Variants in SREBF1 observed in about 807,000 individuals in gnomAD.
SREBF1 encodes the protein sterol regulatory element binding transcription factor 1, also known as sterol regulatory element-binding protein 1.
SREBF1 carries 45 observed loss-of-function variants against 100.1 expected under a neutral mutation model. That is an observed-to-expected ratio of 0.45 (90% CI 0.35 to 0.58). The LOEUF (loss-of-function observed/expected upper bound fraction) is 0.58, where lower values mean the gene tolerates loss of function less well. Ranked by LOEUF, SREBF1 falls within the 20% of genes least tolerant of loss-of-function variation. The probability of loss-of-function intolerance (pLI) is 0.00; values close to 1 mark genes in which losing one functional copy is unlikely to be tolerated. For synonymous variants in SREBF1, 657 were observed against 681.8 expected (o/e 0.96, Z 0.57); for missense variants, 1,324 against 1,539.4 (o/e 0.86, Z 2.34).
chr17:17,812,661 G>A lies in SREBF1; in HGVS notation c.3405C>T (p.Leu1135=). The A allele has an allele frequency of 1.2e-6, 2 of 1,608,774 alleles. No individual in the cohort carries two copies. The highest frequency in any genetic ancestry group is 1.7e-6 in the Non-Finnish European group (2 of 1,177,934). ...RRLLHDCQQM[L]MRLGGGTTVT... is the part of the protein sequence containing the mutation. ...CAGTGGTCCCACCGCCCAGGCGCAT[G>A]AGCATCTGCTGACAGTCGTGCAGCA... The change falls in exon 19 of 19, where the codon CTC becomes CTT. Residue 1135 remains leucine (L), a synonymous_variant. Transcript: ENST00000261646.
intron 6 of SREBF1, 93 bp from the exon 7 acceptor site, chr17:17,818,009 G>C: frequency 7.6e-7 from 1 of 1,321,556 alleles, no homozygotes; most frequent in South Asian, 1.2e-5. Flanking sequence ...GACTACTGTA[G>C]CTCCTAAAGC....
Position 17,813,429 on chromosome 17 carries a change from T to A in SREBF1, c.3153A>T (p.Thr1051=). Reference sequence around the variant, plus strand: ...TGCGGTCGAGGAGCTGGTGTGTCCGTGTGGGGCTGGCCCCCGCCATCAGCC... The same window carrying A: ...TGCGGTCGAGGAGCTGGTGTGTCCGAGTGGGGCTGGCCCCCGCCATCAGCC... ...TARLMAGASP[T]RTHQLLDRSL... The change falls in exon 18 of 19, where the codon ACA becomes ACT. Residue 1051 remains threonine, a synonymous_variant. Coordinates refer to ENST00000261646, the MANE Select transcript of SREBF1 (RefSeq NM_004176.5). 6.2e-7 allele frequency: 1 copy of A among 1,600,702 alleles called. No homozygotes were observed. The highest frequency in any genetic ancestry group is 8.5e-7 in the Non-Finnish European group (1 of 1,174,940).
In SREBF1 at chr17:17,816,325, G is replaced by A. The variant is rs771747343; in HGVS notation, c.2096C>T (p.Ala699Val). Residue 699 changes from alanine (A) to valine (V), a missense_variant, in exon 11 of 19, where the codon GCC (alanine) becomes GTC (valine). By Grantham distance (64) the Ala-to-Val change is moderately conservative. Coordinates refer to ENST00000261646, the MANE Select transcript of SREBF1 (RefSeq NM_004176.5). ...HLTATNLALS[A>V]LNLAECAGDA... ...CCCTGCACACTCTGCCAGGTTCAGG[G>A]CACTCAGCGCCAGGTTGGTGGCAGT... is the stretch of plus-strand genomic sequence containing the variant. 3.1e-6 allele frequency: 5 copies of A among 1,587,712 alleles called. No homozygotes were observed. The highest frequency in any genetic ancestry group is 4.3e-6 in the Non-Finnish European group (5 of 1,169,560).
At chr17:17,836,674 C>G in intron 1 of SREBF1, 53 bp downstream of exon 1, 1 of 1,512,686 alleles carries the variant, frequency 6.6e-7, no homozygotes. Flanking sequence ...CACCTGCGCG[C>G]CCCCTACTCG....
Position 17,813,614 on chromosome 17 carries a change from G to A in SREBF1, c.3057C>T (p.Ser1019=). 2 of 1,588,212 alleles carry A rather than the reference G, an allele frequency of 1.3e-6. No individual in the cohort carries two copies. Among genetic ancestry groups the A allele is most frequent in the East Asian group, 2.3e-5 (1 of 43,902 alleles). Residue 1019 remains serine (S), a synonymous_variant, in exon 17 of 19, where the codon AGC becomes AGT. Transcript: ENST00000261646. The part of the protein sequence containing the change: ...LELRGFQRDL[S]SLRRLAQSFR... ...AGCTCTGTGCCAGCCGCCTCAGGCTGCTCAGGTCCCGTTGGAAGCCACGCA... is the reference window on the plus strand; with the variant it reads ...AGCTCTGTGCCAGCCGCCTCAGGCTACTCAGGTCCCGTTGGAAGCCACGCA...
At chr17:17,823,641 A>G (rs764732043) in intron 1 of SREBF1, 8 of 1,553,556 alleles carry the variant, frequency 5.1e-6, no homozygotes, top group Non-Finnish European at 6.1e-6. Context: ...GAAGCCGTTG[A>G]GCGCTGCGGC....
rs117947006 is a variant in SREBF1, at chr17:17,831,540, G to A, written c.91+5187C>T. Among the ~76,000 whole-genome samples, 252 of 152,254 alleles carry A rather than the reference G, an allele frequency of 1.7e-3. 4 individuals carry two copies. In the East Asian group the frequency reaches 0.044, roughly 27 times the overall value. The stretch of plus-strand genomic sequence containing the variant: ...GGTCCAGGCATAGGAAAGAGACCCC[G>A]AGGCCCTGTTCCAGGCTCTTGGCCA... On this transcript the variant is annotated intron_variant, in intron 1 of 18. Coordinates refer to ENST00000261646, the MANE Select transcript of SREBF1 (RefSeq NM_004176.5).
chr17:17,820,447 C>T lies in SREBF1; in HGVS notation c.166G>A (p.Ala56Thr). ...LFDPPYAGSG[A>T]GGTDPASPDT... ...GGGCTGGCAGGGTCTGTGCCCCCTGCCCCACTCCCAGCATAGGGTGGGTCA... is the reference window on the plus strand; with the variant it reads ...GGGCTGGCAGGGTCTGTGCCCCCTGTCCCACTCCCAGCATAGGGTGGGTCA... The change falls in exon 2 of 19, where the codon GCA becomes ACA. Residue 56 changes from alanine (A) to threonine (T), a missense_variant. Ala to Thr is a moderately conservative substitution (Grantham distance 58). Coordinates refer to ENST00000261646, the MANE Select transcript of SREBF1 (RefSeq NM_004176.5). 2 of 1,613,992 alleles carry T rather than the reference C, an allele frequency of 1.2e-6. No homozygotes were observed. The highest frequency in any genetic ancestry group is 8.5e-7 in the Non-Finnish European group (1 of 1,179,966).
At chr17:17,836,117 A>G (rs2035210014) in intron 1 of SREBF1, among the ~76,000 whole-genome samples, 1 of 152,226 alleles carries the variant, frequency 6.6e-6, no homozygotes, top group Non-Finnish European at 1.5e-5. Context: ...GTTCCCTAAA[A>G]GAGGGGGTAC....
At position 17,817,892 on chromosome 17, in the gene SREBF1, G is replaced by A. The variant is rs1172002471; in HGVS notation, c.1208C>T (p.Ala403Val). The A allele has an allele frequency of 1.2e-6, 2 of 1,601,754 alleles. No individual in the cohort carries two copies. The highest frequency in any genetic ancestry group is 2.2e-5 in the East Asian group (1 of 44,882). ...KSKSLKDLVS[A>V]CGSGGNTDVL... ...GTCTGTGTTCCCTCCACTGCCACAG[G>A]CCGACACCAGATCCTTCAGAGATTC... The change falls in exon 7 of 19, where the codon GCC becomes GTC. Residue 403 changes from alanine (A) to valine (V), a missense_variant. Transcript: ENST00000261646. This position sits in a 1 kb window ranked among gnomAD's most constrained non-coding sequence, Gnocchi z 6.6.
chr17:17,826,550 C>A (rs546748008), intron 1 of SREBF1, among the ~76,000 whole-genome samples: 19 of 152,340 alleles, frequency 1.2e-4, no homozygotes, highest in South Asian at 6.2e-4. Flanking sequence ...GGCATAGACT[C>A]TGGGCCATGG....
chr17:17,812,842 G>A lies in SREBF1; in HGVS notation c.3224C>T (p.Ala1075Val), dbSNP rs1434197197. The A allele has an allele frequency of 3.4e-6, 5 of 1,470,610 alleles. No homozygotes were observed. Among genetic ancestry groups the A allele is most frequent in the Admixed American group, 5.2e-5 (2 of 38,602 alleles). The allele number at this position is 1,470,610 out of a possible 1,614,324, so 91.1% of individuals were successfully genotyped here. ...CCGCGTGGGCCGCGGCTCCAGCTCC[G>A]CCACCGCGCCTGCGCACACGAGGAT... Reference protein sequence around the residue: ...AGPGGKGGAVAELEPRPTRRE... With the variant: ...AGPGGKGGAVVELEPRPTRRE... Residue 1075 changes from alanine (A) to valine (V), a missense_variant, in exon 19 of 19, where the codon GCG (alanine) becomes GTG (valine). Transcript: ENST00000261646.
At position 17,811,685 on chromosome 17, in the gene SREBF1, G is replaced by A. The variant is rs137899785; in HGVS notation, c.*937C>T. On this transcript the variant is annotated 3_prime_UTR_variant, in exon 19 of 19. Transcript: ENST00000261646. ...GATGACCAGGGGCCGGGATGGGGGA[G>A]GTGAGACGTGCCAGACTTCTTGCAG... is the stretch of plus-strand genomic sequence containing the variant. 784 of 453,820 alleles carry A rather than the reference G, an allele frequency of 1.7e-3. 4 individuals carry two copies. Among genetic ancestry groups the A allele is most frequent in the African/African-American group, 0.014 (722 of 49,892 alleles). The allele number at this position is 453,820 out of a possible 1,614,324, so 28.1% of individuals were successfully genotyped here.
At chr17:17,822,918 G>A (rs1212506078) in intron 1 of SREBF1, among the ~76,000 whole-genome samples, 1 of 152,194 alleles carries the variant, frequency 6.6e-6, no homozygotes, top group Non-Finnish European at 1.5e-5. Context: ...GGCAGCCCCA[G>A]TCTTCCTGGC....
chr17:17,833,508 G>C (rs1331577987), intron 1 of SREBF1, among the ~76,000 whole-genome samples: 6 of 146,998 alleles, frequency 4.1e-5, no homozygotes, highest in African/African-American at 1.3e-4. Context: ...GCTGCCCGGG[G>C]CTGGGAGCAG....
intron 1 of SREBF1, among the ~76,000 whole-genome samples, chr17:17,829,593 G>A (rs754027841): frequency 2.6e-5 from 4 of 152,126 alleles, no homozygotes; most frequent in Non-Finnish European, 5.9e-5. Flanking sequence ...TGGCCAGATG[G>A]CCACTCTGCC....
chr17:17,812,677 TCGTGCAGCAGC>T lies in SREBF1; in HGVS notation c.3378_3388del (p.Leu1128SerfsTer44). 1 of 1,608,370 alleles carries T rather than the reference TCGTGCAGCAGC, an allele frequency of 6.2e-7. No homozygotes were observed. The highest frequency in any genetic ancestry group is 8.5e-7 in the Non-Finnish European group (1 of 1,177,948). On this transcript the variant is annotated frameshift_variant, in exon 19 of 19. Transcript: ENST00000261646. LOFTEE classifies it high-confidence loss of function. Reference sequence around the variant, plus strand: ...CAGGCGCATGAGCATCTGCTGACAGTCGTGCAGCAGCCGGCGATCGCCAAGCTTCTCGAGTG... The same window carrying T: ...CAGGCGCATGAGCATCTGCTGACAGTCGGCGATCGCCAAGCTTCTCGAGTG...
chr17:17,816,439 C>T lies in SREBF1; in HGVS notation c.2047+18G>A. 6.2e-7 allele frequency: 1 copy of T among 1,604,522 alleles called. No homozygotes were observed. The highest frequency in any genetic ancestry group is 8.5e-7 in the Non-Finnish European group (1 of 1,176,516). ...GCAGCAGGGAGCACCTCGGAGCCCG[C>T]CCCACGCTCAGTCCTACCCATGGTG... On this transcript the variant is annotated intron_variant, in intron 10 of 18. Transcript: ENST00000261646.
At chr17:17,828,019 C>T (rs929826580) in intron 1 of SREBF1, among the ~76,000 whole-genome samples, 1 of 152,200 alleles carries the variant, frequency 6.6e-6, no homozygotes, top group African/African-American at 2.4e-5. Context: ...CAGCTGGGGG[C>T]CCCTCCTGTC....
Sources: gnomAD v4.1 joint callset for allele counts (sites outside exome capture counted in the v4.1 genomes callset) on GRCh38, gnomAD v4.1.1 for gene constraint, Gnocchi (gnomAD v3.1) non-coding constraint, MANE v1.5 for transcripts, NCBI Gene and HGNC (gene_info 2026-07-23, HGNC 2026-07-21) for gene names.